The following CEBPG variants were observed in gnomAD, a reference collection of about 807,000 sequenced individuals.
CEBPG encodes the protein CCAAT/enhancer-binding protein gamma.
A neutral mutation model predicts 11.1 loss-of-function variants in CEBPG; 6 were observed. The ratio of observed to expected loss-of-function variants is 0.54; its 90% CI spans 0.30 to 1.07. CEBPG has a LOEUF of 1.07. Ranked by LOEUF, CEBPG falls within the 50% of genes least tolerant of loss-of-function variation. The probability of loss-of-function intolerance (pLI) is 0.07; values close to 1 mark genes in which losing one functional copy is unlikely to be tolerated. For synonymous variants in CEBPG, 66 were observed against 71.0 expected (o/e 0.93, Z 0.36); for missense variants, 161 against 187.4 (o/e 0.86, Z 0.82).
intron 1 of CEBPG, among the ~76,000 whole-genome samples, chr19:33,377,854 A>T (rs886134161): frequency 6.6e-6 from 1 of 152,240 alleles, no homozygotes; most frequent in African/African-American, 2.4e-5. Context: ...GTTTTTTAAA[A>T]AGAGACCAAT....
At position 33,380,825 on chromosome 19, in the gene CEBPG, ATTG is replaced by A. The variant is rs959295349; in HGVS notation, c.*1141_*1143del. On this transcript the variant is annotated 3_prime_UTR_variant, in exon 2 of 2. Coordinates refer to ENST00000284000, the MANE Select transcript of CEBPG (RefSeq NM_001806.4). ...ATTTCTCTTAAATACATCTTTTGATATTGTTGTTGTGACATTTCTTTTTCTGGT... is the reference window on the plus strand; with the variant it reads ...ATTTCTCTTAAATACATCTTTTGATATTGTTGTGACATTTCTTTTTCTGGT... The A allele has an allele frequency of 1.8e-5, 3 of 166,846 alleles. No homozygotes were observed. The highest frequency in any genetic ancestry group is 6.5e-5 in the Admixed American group (1 of 15,284). The allele number at this position is 166,846 out of a possible 1,614,324, so 10.3% of individuals were successfully genotyped here.
At position 33,381,813 on chromosome 19, in the gene CEBPG, A is replaced by G. The variant is rs1392599046; in HGVS notation, c.*2121A>G. The G allele has an allele frequency of 6.0e-6, 1 of 167,088 alleles. No individual in the cohort carries two copies. The highest frequency in any genetic ancestry group is 1.5e-5 in the Non-Finnish European group (1 of 68,124). 10.4% of individuals were successfully genotyped at this position (167,088 alleles called of 1,614,324 possible). A position where few individuals can be genotyped will look rare whatever the true frequency, so the allele number is the denominator to read the frequency against. ...TTTCAAATCAGAACACAAGATTGGA[A>G]CTTTTGGAAAAATGGGTTCAAGCTT... On this transcript the variant is annotated 3_prime_UTR_variant, in exon 2 of 2. Coordinates refer to ENST00000284000, the MANE Select transcript of CEBPG (RefSeq NM_001806.4).
Position 33,379,428 on chromosome 19 carries a change from C to T in CEBPG, c.189C>T (p.Asp63=), listed in dbSNP as rs774865863. ...GTTCGCCCATGGATCGAAACAGTGA[C>T]GAGTATCGGCAACGCCGAGAGAGGA... is the stretch of plus-strand genomic sequence containing the variant. ...KKSSPMDRNS[D]EYRQRRERNN... is the part of the protein sequence containing the mutation. The change falls in exon 2 of 2, where the codon GAC becomes GAT. Residue 63 remains aspartate, a synonymous_variant. Transcript: ENST00000284000. 11 of 1,613,770 alleles carry T rather than the reference C, an allele frequency of 6.8e-6. No individual in the cohort carries two copies. The highest frequency in any genetic ancestry group is 2.7e-5 in the African/African-American group (2 of 74,830).
In CEBPG at chr19:33,379,533, A is replaced by G; in HGVS notation, c.294A>G (p.Lys98=). ...CACTGCAGAGAGTCAATCAGCTCAA[A>G]GAAGAGAATGAACGGTTGGAAGCAA... is the stretch of plus-strand genomic sequence containing the variant. ...QDTLQRVNQL[K]EENERLEAKI... Residue 98 remains lysine, a synonymous_variant, in exon 2 of 2, where the codon AAA becomes AAG. Transcript: ENST00000284000. 1 of 1,614,068 alleles carries G rather than the reference A, an allele frequency of 6.2e-7. No individual in the cohort carries two copies. Among genetic ancestry groups the G allele is most frequent in the Non-Finnish European group, 8.5e-7 (1 of 1,179,950 alleles).
chr19:33,379,754 C>T lies in CEBPG; in HGVS notation c.*62C>T. On this transcript the variant is annotated 3_prime_UTR_variant, in exon 2 of 2. Coordinates refer to ENST00000284000, the MANE Select transcript of CEBPG (RefSeq NM_001806.4). ...AATGTTAAAGGTGTGACCACCGACA[C>T]CACTCATGTCAATGGCTGAAAGTTG... The T allele has an allele frequency of 1.4e-6, 2 of 1,425,010 alleles. No individual in the cohort carries two copies. The highest frequency in any genetic ancestry group is 3.6e-4 in the Middle Eastern group (2 of 5,482). The allele number at this position is 1,425,010 out of a possible 1,614,324, so 88.3% of individuals were successfully genotyped here.
In CEBPG at chr19:33,379,581, A is replaced by G. The variant is rs765155905; in HGVS notation, c.342A>G (p.Glu114=). 6 of 1,614,114 alleles carry G rather than the reference A, an allele frequency of 3.7e-6. No homozygotes were observed. The East Asian group carries it at 1.3e-4, about 36-fold the overall frequency. ...LEAKIKLLTK[E]LSVLKDLFLE... ...CAAAAATCAAATTGCTGACCAAGGAATTAAGTGTACTCAAAGATTTGTTTC... is the reference window on the plus strand; with the variant it reads ...CAAAAATCAAATTGCTGACCAAGGAGTTAAGTGTACTCAAAGATTTGTTTC... The change falls in exon 2 of 2, where the codon GAA becomes GAG. Residue 114 remains glutamate (E), a synonymous_variant. Coordinates refer to ENST00000284000, the MANE Select transcript of CEBPG (RefSeq NM_001806.4).
At chr19:33,375,407 T>C (rs993488176) in intron 1 of CEBPG, among the ~76,000 whole-genome samples, 2 of 152,168 alleles carry the variant, frequency 1.3e-5, no homozygotes, top group Admixed American at 1.3e-4. Flanking sequence ...CGATTCCAGC[T>C]GTATTGTGCG....
chr19:33,375,706 A>G (rs1967903591), intron 1 of CEBPG, among the ~76,000 whole-genome samples: 1 of 152,200 alleles, frequency 6.6e-6, no homozygotes, highest in South Asian at 2.1e-4. Context: ...GCTTGTGAAG[A>G]TCTGCAGGGA....
rs1467314215 is a variant in CEBPG, at chr19:33,381,802, A to G, written c.*2110A>G. The G allele has an allele frequency of 1.2e-5, 2 of 167,112 alleles. No homozygotes were observed. The highest frequency in any genetic ancestry group is 4.8e-5 in the African/African-American group (2 of 41,472). 10.4% of individuals were successfully genotyped at this position (167,112 alleles called of 1,614,324 possible). A position where few individuals can be genotyped will look rare whatever the true frequency, so the allele number is the denominator to read the frequency against. ...TGTACTCAGTATTTCAAATCAGAAC[A>G]CAAGATTGGAACTTTTGGAAAAATG... On this transcript the variant is annotated 3_prime_UTR_variant, in exon 2 of 2. Coordinates refer to ENST00000284000, the MANE Select transcript of CEBPG (RefSeq NM_001806.4).
In CEBPG at chr19:33,381,630, C is replaced by T. The variant is rs989592934; in HGVS notation, c.*1938C>T. The T allele has an allele frequency of 1.2e-4, 20 of 167,208 alleles. No individual in the cohort carries two copies. Among genetic ancestry groups the T allele is most frequent in the African/African-American group, 4.6e-4 (19 of 41,572 alleles). 10.4% of individuals were successfully genotyped at this position (167,208 alleles called of 1,614,324 possible). ...TAACTTAATTGGAGATGCATTAGGT[C>T]ACTTGAATGTATAAGCAAGCACCTA... On this transcript the variant is annotated 3_prime_UTR_variant, in exon 2 of 2. Transcript: ENST00000284000.
intron 1 of CEBPG, among the ~76,000 whole-genome samples, chr19:33,378,481 TG>T (rs945759339): frequency 6.6e-6 from 1 of 152,156 alleles, no homozygotes; most frequent in Non-Finnish European, 1.5e-5. Flanking sequence ...CTTGGTGGGA[TG>T]GGGAGCAAAT....
chr19:33,375,938 A>G (rs765464962), intron 1 of CEBPG, among the ~76,000 whole-genome samples: 53 of 152,306 alleles, frequency 3.5e-4, no homozygotes, highest in Admixed American at 1.2e-3. Flanking sequence ...TGAGTGTTCA[A>G]TTGCTCTGGA....
chr19:33,373,799 T>G lies in CEBPG; in HGVS notation c.-193T>G, dbSNP rs916279754. On this transcript the variant is annotated 5_prime_UTR_variant, in exon 1 of 2. Transcript: ENST00000284000. ...TTTCGTAACCGTCGCTCCTCCTCGC[T>G]GACTCGCGGGCTGTGAGGCCTGGGT... 2 of 151,530 alleles carry G rather than the reference T, an allele frequency of 1.3e-5. No homozygotes were observed. The highest frequency in any genetic ancestry group is 2.9e-5 in the Non-Finnish European group (2 of 67,858). 9.4% of individuals were successfully genotyped at this position (151,530 alleles called of 1,614,324 possible). A position where few individuals can be genotyped will look rare whatever the true frequency, so the allele number is the denominator to read the frequency against.
At position 33,381,279 on chromosome 19, in the gene CEBPG, T is replaced by C. The variant is rs1967985007; in HGVS notation, c.*1587T>C. 6.0e-6 allele frequency: 1 copy of C among 167,076 alleles called. No individual in the cohort carries two copies. The highest frequency in any genetic ancestry group is 1.5e-5 in the Non-Finnish European group (1 of 68,118). 10.3% of individuals were successfully genotyped at this position (167,076 alleles called of 1,614,324 possible). A position where few individuals can be genotyped will look rare whatever the true frequency, so the allele number is the denominator to read the frequency against. ...TGATGTAGCCAGAATAAAACTCAAG[T>C]TGCACCCTCCGGTTGGTGGAAGATT... On this transcript the variant is annotated 3_prime_UTR_variant, in exon 2 of 2. Transcript: ENST00000284000.
chr19:33,379,478 G>A lies in CEBPG; in HGVS notation c.239G>A (p.Arg80Gln), dbSNP rs1315944809. The A allele has an allele frequency of 5.0e-6, 8 of 1,613,954 alleles. No individual in the cohort carries two copies. The highest frequency in any genetic ancestry group is 1.7e-5 in the Admixed American group (1 of 60,004). ...AACAACATGGCTGTGAAAAAGAGCC[G>A]GTTGAAAAGCAAGCAGAAAGCACAA... The part of the protein sequence containing the change: ...ERNNMAVKKS[R>Q]LKSKQKAQDT... Residue 80 changes from arginine to glutamine, a missense_variant, in exon 2 of 2, where the codon CGG (arginine) becomes CAG (glutamine). By Grantham distance (43) the Arg-to-Gln change is conservative. Coordinates refer to ENST00000284000, the MANE Select transcript of CEBPG (RefSeq NM_001806.4).
chr19:33,378,700 G>A (rs189625156), intron 1 of CEBPG, among the ~76,000 whole-genome samples: 51 of 152,322 alleles, frequency 3.3e-4, no homozygotes, highest in African/African-American at 1.2e-3. Context: ...TAGCATGAGA[G>A]CGCTGGAGAC....
In CEBPG at chr19:33,379,433, A is replaced by C. The variant is rs767270137; in HGVS notation, c.194A>C (p.Tyr65Ser). The change falls in exon 2 of 2, where the codon TAT (tyrosine) becomes TCT (serine). Residue 65 changes from tyrosine (Y) to serine (S), a missense_variant. Coordinates refer to ENST00000284000, the MANE Select transcript of CEBPG (RefSeq NM_001806.4). ...CCCATGGATCGAAACAGTGACGAGT[A>C]TCGGCAACGCCGAGAGAGGAACAAC... is the stretch of plus-strand genomic sequence containing the variant. ...SSPMDRNSDEYRQRRERNNMA... is the reference protein window; with the variant it reads ...SSPMDRNSDESRQRRERNNMA... 1 of 1,614,196 alleles carries C rather than the reference A, an allele frequency of 6.2e-7. No homozygotes were observed. Among genetic ancestry groups the C allele is most frequent in the Non-Finnish European group, 8.5e-7 (1 of 1,180,040 alleles).
chr19:33,378,968 A>G (rs150072402), intron 1 of CEBPG, among the ~76,000 whole-genome samples, 176 bp from the exon 2 acceptor site: 169 of 152,352 alleles, frequency 1.1e-3, no homozygotes, highest in African/African-American at 3.0e-3. Flanking sequence ...TTCTGTGCTT[A>G]CTTACCTTTC....
At position 33,382,028 on chromosome 19, in the gene CEBPG, G is replaced by T. The variant is rs1967996154; in HGVS notation, c.*2336G>T. On this transcript the variant is annotated 3_prime_UTR_variant, in exon 2 of 2. Transcript: ENST00000284000. ...GAATCAATTTAGAGCTTCGGGAATT[G>T]TGAGGTGACTTTTGTAACTTTTGTT... The T allele has an allele frequency of 6.0e-6, 1 of 167,162 alleles. No homozygotes were observed. 10.4% of individuals were successfully genotyped at this position (167,162 alleles called of 1,614,324 possible).
Sources: allele counts gnomAD v4.1 joint callset (sites outside exome capture counted in the v4.1 genomes callset), GRCh38; gene constraint gnomAD v4.1.1; transcripts MANE v1.5; gene names NCBI Gene and HGNC (gene_info 2026-07-23, HGNC 2026-07-21).